Variants in TBC1D9 observed in about 807,000 individuals in gnomAD.
TBC1D9 encodes TBC1 domain family member 9, also known as TBC1 domain family member 9A.
A neutral mutation model predicts 132.0 loss-of-function variants in TBC1D9; 63 were observed. The observed-to-expected ratio is 0.48, with a 90% CI of 0.39 to 0.59. The LOEUF is 0.59. TBC1D9 is among the 20% of genes least tolerant of loss of function. TBC1D9 has a pLI of 0.00. For synonymous variants in TBC1D9, 610 were observed against 609.9 expected, an observed-to-expected ratio of 1.00 and a Z score of 0.00; for missense variants, 1,261 against 1,592.7, an observed-to-expected ratio of 0.79 and a Z score of 3.54.
chr4:140,742,367 A>G (rs1738771936), intron 1 of TBC1D9, among the ~76,000 whole-genome samples: 1 of 151,900 alleles, frequency 6.6e-6, no homozygotes, highest in Admixed American at 6.6e-5. Flanking sequence ...CCCCGTCTCT[A>G]CTAAAAATAC....
chr4:140,662,259 C>A (rs141210016), intron 9 of TBC1D9, among the ~76,000 whole-genome samples, 152 bp from the exon 10 acceptor site: 7 of 152,196 alleles, frequency 4.6e-5, no homozygotes, highest in African/African-American at 1.7e-4. Context: ...ATGTTGCAAT[C>A]GTGGCTAGAC....
intron 16 of TBC1D9, among the ~76,000 whole-genome samples, chr4:140,632,254 G>C (rs980988221): frequency 9.4e-5 from 9 of 95,930 alleles, no homozygotes; most frequent in African/African-American, 4.0e-4. Flanking sequence ...CTTTATTTTT[G>C]CCCAAAGGTT....
At chr4:140,714,045 G>T (rs1250942674) in intron 1 of TBC1D9, among the ~76,000 whole-genome samples, 1 of 152,174 alleles carries the variant, frequency 6.6e-6, no homozygotes, top group Non-Finnish European at 1.5e-5. Context: ...TATTAGCCTG[G>T]GGGGCTGAAG....
At chr4:140,730,445 C>T (rs1263056452) in intron 1 of TBC1D9, among the ~76,000 whole-genome samples, 5 of 152,128 alleles carry the variant, frequency 3.3e-5, no homozygotes, top group East Asian at 1.9e-4. Context: ...GGACATGGGC[C>T]GGGCATGGTG....
intron 13 of TBC1D9, chr4:140,644,625 C>T (rs1296450451): frequency 2.6e-6 from 1 of 390,348 alleles, no homozygotes; most frequent in Non-Finnish European, 4.9e-6. Flanking sequence ...CCTTCAGCCG[C>T]TCCAGCTGGG....
chr4:140,626,939 T>C (rs1736718647), intron 18 of TBC1D9, among the ~76,000 whole-genome samples: 1 of 152,232 alleles, frequency 6.6e-6, no homozygotes, highest in African/African-American at 2.4e-5. Context: ...ATACTTTTCA[T>C]GTGGCAAAAA....
intron 11 of TBC1D9, among the ~76,000 whole-genome samples, chr4:140,658,216 A>G (rs1737301765): frequency 1.3e-5 from 2 of 152,190 alleles, no homozygotes; most frequent in African/African-American, 4.8e-5. Context: ...TGTCATGTAA[A>G]TCTGTCATGT....
At chr4:140,654,318 A>G (rs919411480) in intron 13 of TBC1D9, among the ~76,000 whole-genome samples, 1 of 152,104 alleles carries the variant, frequency 6.6e-6, no homozygotes, top group Non-Finnish European at 1.5e-5. Context: ...GAAAGTAGAG[A>G]GAAAGGGGAA....
chr4:140,747,073 T>C (rs1461837852), intron 1 of TBC1D9, among the ~76,000 whole-genome samples: 2 of 151,750 alleles, frequency 1.3e-5, no homozygotes, highest in African/African-American at 4.8e-5. Context: ...ATAGGCTGGA[T>C]ATGGTGGCTC....
intron 15 of TBC1D9, 127 bp downstream of exon 15, chr4:140,638,959 G>A: frequency 3.0e-6 from 2 of 663,760 alleles, no homozygotes; most frequent in South Asian, 2.2e-5. Context: ...CTACAGTTTT[G>A]TACTCTCAGC....
chr4:140,661,025 C>T (rs1215487887), intron 10 of TBC1D9, among the ~76,000 whole-genome samples: 1 of 152,128 alleles, frequency 6.6e-6, no homozygotes, highest in African/African-American at 2.4e-5. Flanking sequence ...GGCCATTCTC[C>T]TGCCTCAGCC....
chr4:140,624,587 G>A (rs566069971), intron 18 of TBC1D9, among the ~76,000 whole-genome samples, 199 bp from the exon 19 acceptor site: 2 of 152,068 alleles, frequency 1.3e-5, no homozygotes, highest in Non-Finnish European at 2.9e-5. Context: ...TTTTTGGGGG[G>A]GATAAGTATA....
At chr4:140,661,845 T>C in intron 10 of TBC1D9, 48 bp downstream of exon 10, 1 of 1,480,376 alleles carries the variant, frequency 6.8e-7, no homozygotes, top group South Asian at 1.2e-5. Flanking sequence ...GCCAAATGAA[T>C]AGAAATTTTA....
intron 13 of TBC1D9, chr4:140,643,652 C>T: frequency 9.2e-7 from 1 of 1,086,552 alleles, no homozygotes; most frequent in African/African-American, 1.6e-5. Context: ...CCACTGGCTC[C>T]TCCTTGGCCT....
chr4:140,629,534 C>A (rs1228107167), intron 16 of TBC1D9, among the ~76,000 whole-genome samples: 1 of 152,208 alleles, frequency 6.6e-6, no homozygotes, highest in Non-Finnish European at 1.5e-5. Flanking sequence ...TCAAGCTTAT[C>A]TTTTTGGGCC....
rs1477217404 is a variant in TBC1D9 at position 140,706,897 on chromosome 4, A to G, written c.131-5283T>C. The stretch of plus-strand genomic sequence containing the variant: ...TTACAACTTATCTGTTTTCCTAGTA[A>G]AGGACATTGGATCTATCCACACTTT... On this transcript the variant is annotated intron_variant, in intron 1 of 20. Transcript: ENST00000442267. The surrounding 1 kb of genome is among the most constrained non-coding windows in gnomAD (Gnocchi z 4.0). Among the ~76,000 whole-genome samples the G allele has an allele frequency of 6.6e-6, 1 of 152,166 alleles. No individual in the cohort carries two copies. The highest frequency in any genetic ancestry group is 1.5e-5 in the Non-Finnish European group (1 of 68,026).
chr4:140,663,751 C>G (rs146888537), intron 9 of TBC1D9, among the ~76,000 whole-genome samples: 1 of 151,866 alleles, frequency 6.6e-6, no homozygotes, highest in South Asian at 2.1e-4. Context: ...CATGGTTGAA[C>G]CCAGAAGACA....
chr4:140,749,118 C>T (rs1346197981), intron 1 of TBC1D9, among the ~76,000 whole-genome samples: 3 of 151,728 alleles, frequency 2.0e-5, no homozygotes, highest in Non-Finnish European at 4.4e-5. Flanking sequence ...CTAATATCAG[C>T]AATTTGGGAG....
chr4:140,649,476 T>C (rs774778477), intron 13 of TBC1D9, among the ~76,000 whole-genome samples: 2 of 152,162 alleles, frequency 1.3e-5, no homozygotes, highest in African/African-American at 2.4e-5. Context: ...ATACTTAAGA[T>C]AGTAAATGAA....
Sources: allele counts gnomAD v4.1 joint callset (sites outside exome capture counted in the v4.1 genomes callset), GRCh38; gene constraint gnomAD v4.1.1; non-coding constraint Gnocchi (gnomAD v3.1); transcripts MANE v1.5; gene names NCBI Gene and HGNC (gene_info 2026-07-23, HGNC 2026-07-21).